VPS45: variants seen among roughly 807,000 people sequenced by gnomAD.
VPS45 encodes the protein vacuolar protein sorting 45 homolog, also known as vacuolar protein sorting-associated protein 45.
VPS45 carries 35 observed loss-of-function variants against 75.9 expected under a neutral mutation model. That is an observed-to-expected ratio of 0.46 (90% CI 0.35 to 0.61). The LOEUF is 0.61. VPS45 is among the 20% of genes least tolerant of loss of function. The pLI, the probability that VPS45 is intolerant of heterozygous loss-of-function variation, is 0.00. For synonymous variants in VPS45, 220 were observed against 238.2 expected, an observed-to-expected ratio of 0.92 and a Z score of 0.70; for missense variants, 559 against 685.9, an observed-to-expected ratio of 0.81 and a Z score of 2.07.
chr1:150,141,809 TACACCTAGTTCA>T (rs781849923), intron 14 of VPS45, among the ~76,000 whole-genome samples: 111 of 152,368 alleles, frequency 7.3e-4, no homozygotes, highest in African/African-American at 2.5e-3. Flanking sequence ...TGTACATTTG[TACACCTAGTTCA>T]ACACCTAGTT....
chr1:150,106,714 T>G (rs936919455), intron 13 of VPS45, among the ~76,000 whole-genome samples: 1 of 152,166 alleles, frequency 6.6e-6, no homozygotes, highest in Non-Finnish European at 1.5e-5. Context: ...ATAATCATAC[T>G]CAATTTTCTT....
chr1:150,142,937 C>CTGT (rs1659471289), intron 14 of VPS45: 2 of 415,532 alleles, frequency 4.8e-6, no homozygotes, highest in Non-Finnish European at 9.7e-6. Context: ...ACAGCGTAAG[C>CTGT]CACTGCACCC....
chr1:150,100,281 G>T (rs1170698232), intron 13 of VPS45, among the ~76,000 whole-genome samples: 2 of 152,158 alleles, frequency 1.3e-5, no homozygotes, highest in South Asian at 4.1e-4. Context: ...AACCAGGAAG[G>T]TGAAAGAGCT....
intron 13 of VPS45, among the ~76,000 whole-genome samples, chr1:150,103,570 G>A (rs1023471693): frequency 4.6e-5 from 7 of 152,018 alleles, no homozygotes; most frequent in Admixed American, 1.3e-4. Context: ...TTTACCATCC[G>A]TGACATTTTC....
At chr1:150,091,106 A>G (rs782301383) in intron 10 of VPS45, among the ~76,000 whole-genome samples, 6 of 152,256 alleles carry the variant, frequency 3.9e-5, no homozygotes, top group Non-Finnish European at 7.3e-5. Context: ...TCACAGAACT[A>G]AAGTACATTA....
intron 14 of VPS45, among the ~76,000 whole-genome samples, chr1:150,138,597 C>A (rs782453170): frequency 2.6e-5 from 4 of 152,136 alleles, no homozygotes; most frequent in Non-Finnish European, 4.4e-5. Context: ...CTGGCCTATA[C>A]CCATGAGAAA....
At chr1:150,138,897 T>G (rs1659243706) in intron 14 of VPS45, among the ~76,000 whole-genome samples, 1 of 152,034 alleles carries the variant, frequency 6.6e-6, no homozygotes, top group African/African-American at 2.4e-5. Flanking sequence ...TTTAGTTGCT[T>G]AGGCAAAAAA....
intron 14 of VPS45, among the ~76,000 whole-genome samples, chr1:150,142,346 G>C (rs1395953770): frequency 6.6e-6 from 1 of 152,044 alleles, no homozygotes; most frequent in African/African-American, 2.4e-5. Flanking sequence ...AAAAAAATCA[G>C]TGCTACCTCA....
intron 13 of VPS45, among the ~76,000 whole-genome samples, chr1:150,107,662 C>T (rs1029421324): frequency 6.6e-6 from 1 of 152,292 alleles, no homozygotes; most frequent in Non-Finnish European, 1.5e-5. Context: ...CTTTGGGAGG[C>T]GAAGGCTGGC....
At chr1:150,136,509 C>T (rs1303928743) in intron 14 of VPS45, among the ~76,000 whole-genome samples, 2 of 151,888 alleles carry the variant, frequency 1.3e-5, no homozygotes, top group Non-Finnish European at 2.9e-5. Flanking sequence ...GAGCCAAGAT[C>T]GCACCACTGC....
At chr1:150,079,665 G>A (rs1553798859) in intron 7 of VPS45, among the ~76,000 whole-genome samples, 1 of 152,112 alleles carries the variant, frequency 6.6e-6, no homozygotes, top group African/African-American at 2.4e-5. Flanking sequence ...GCCCGACTCG[G>A]CCTCCCAAAG....
At chr1:150,097,683 CA>C (rs1656748953) in intron 13 of VPS45, among the ~76,000 whole-genome samples, 1 of 151,858 alleles carries the variant, frequency 6.6e-6, no homozygotes, top group Admixed American at 6.6e-5. Context: ...TATGCCATTA[CA>C]CACCAGCCTG....
rs1295955256 is a variant in VPS45 at position 150,067,970 on chromosome 1, G to A, written c.93+20G>A. 6.2e-7 allele frequency: 1 copy of A among 1,611,272 alleles called. No homozygotes were observed. The highest frequency in any genetic ancestry group is 1.3e-5 in the African/African-American group (1 of 74,828). ...GAGACGGTGAGTTTGCTTTTGCTCA[G>A]CATTTGTGAAGGAACCCTCTCAACC... On this transcript the variant is annotated intron_variant, in intron 1 of 14. Transcript: ENST00000644510.
At chr1:150,116,886 A>G (rs1657957940) in intron 14 of VPS45, among the ~76,000 whole-genome samples, 1 of 152,164 alleles carries the variant, frequency 6.6e-6, no homozygotes, top group East Asian at 1.9e-4. Context: ...TCAGCAGGTT[A>G]AAATTAAACA....
chr1:150,069,179 TA>T (rs781861903), intron 2 of VPS45, among the ~76,000 whole-genome samples: 1 of 152,208 alleles, frequency 6.6e-6, no homozygotes, highest in Non-Finnish European at 1.5e-5. Context: ...CTTCCATGAT[TA>T]AATCTATATT....
Position 150,077,980 on chromosome 1 carries a change from G to A in VPS45, c.687+201G>A, listed in dbSNP as rs72692899. ...ATAACTCTTCTGCTTCATCTCTCCT[G>A]TACCTTTCTGCCAGTACCTCCACCC... is the stretch of plus-strand genomic sequence containing the variant. On this transcript the variant is annotated intron_variant, in intron 7 of 14. Coordinates refer to ENST00000644510, the MANE Select transcript of VPS45 (RefSeq NM_007259.5). Among the ~76,000 whole-genome samples the A allele has an allele frequency of 0.11, 16,122 of 152,020 alleles. 1,203 individuals carry two copies. Among genetic ancestry groups the A allele is most frequent in the Non-Finnish European group, 0.17 (11,224 of 67,952 alleles).
chr1:150,108,764 A>C (rs1364516440), intron 13 of VPS45, among the ~76,000 whole-genome samples: 3 of 152,202 alleles, frequency 2.0e-5, no homozygotes, highest in Non-Finnish European at 4.4e-5. Flanking sequence ...CACACAACCT[A>C]GATCCCTCCC....
At chr1:150,112,001 G>A (rs1657675221) in intron 14 of VPS45, among the ~76,000 whole-genome samples, 1 of 152,068 alleles carries the variant, frequency 6.6e-6, no homozygotes, top group South Asian at 2.1e-4. Flanking sequence ...GATTTCTTGG[G>A]TTTGAATCCT....
At chr1:150,070,078 C>T (rs1553796750) in intron 2 of VPS45, among the ~76,000 whole-genome samples, 1 of 152,126 alleles carries the variant, frequency 6.6e-6, no homozygotes, top group East Asian at 1.9e-4. Context: ...AGTCTTCTTC[C>T]TCTGCCTGGA....
Sources: gnomAD v4.1 joint callset for allele counts (sites outside exome capture counted in the v4.1 genomes callset) on GRCh38, gnomAD v4.1.1 for gene constraint, MANE v1.5 for transcripts, NCBI Gene and HGNC (gene_info 2026-07-23, HGNC 2026-07-21) for gene names.